The following THSD4 variants were observed in gnomAD, a reference collection of about 807,000 sequenced individuals.
THSD4 encodes thrombospondin type-1 domain-containing protein 4.
Under a neutral mutation model 119.0 loss-of-function variants are expected in THSD4, and 69 were observed. That is an observed-to-expected ratio of 0.58 (90% CI 0.48 to 0.71). The LOEUF is 0.71. THSD4 is among the 30% of genes least tolerant of loss of function. THSD4 has a pLI of 0.00. For synonymous variants in THSD4, 524 were observed against 540.4 expected, an observed-to-expected ratio of 0.97 and a Z score of 0.42; for missense variants, 1,393 against 1,391.1, an observed-to-expected ratio of 1.00 and a Z score of -0.02.
chr15:71,449,666 G>A (rs2140577884), intron 7 of THSD4, among the ~76,000 whole-genome samples: 1 of 152,292 alleles, frequency 6.6e-6, no homozygotes, highest in South Asian at 2.1e-4. Context: ...TCCCCATCCT[G>A]TGTAGACATT....
intron 7 of THSD4, among the ~76,000 whole-genome samples, chr15:71,507,895 C>A (rs1245352635): frequency 6.6e-6 from 1 of 152,220 alleles, no homozygotes; most frequent in East Asian, 1.9e-4. Context: ...AAATTAACCA[C>A]TTCTCCAGTT....
intron 6 of THSD4, among the ~76,000 whole-genome samples, chr15:71,347,378 AC>A (rs2045678852): frequency 6.6e-6 from 1 of 152,160 alleles, no homozygotes; most frequent in Admixed American, 6.5e-5. Flanking sequence ...TCTCCCTGCC[AC>A]TAGGGCTCTG....
intron 8 of THSD4, among the ~76,000 whole-genome samples, chr15:71,677,823 G>A (rs75125772): frequency 5.3e-5 from 8 of 152,088 alleles, no homozygotes; most frequent in African/African-American, 1.4e-4. Flanking sequence ...TAATTGTATC[G>A]TCTGTCTCAG....
chr15:71,489,226 A>G (rs2047872960), intron 7 of THSD4, among the ~76,000 whole-genome samples: 1 of 152,208 alleles, frequency 6.6e-6, no homozygotes, highest in African/African-American at 2.4e-5. Context: ...GAATTGGGTC[A>G]ATAAGTTAGT....
chr15:71,144,077 G>A (rs1204673661), intron 2 of THSD4, among the ~76,000 whole-genome samples: 11 of 152,260 alleles, frequency 7.2e-5, no homozygotes, highest in African/African-American at 1.4e-4. Flanking sequence ...CCTCCAGCAC[G>A]AGAGTCCTGC....
chr15:71,357,718 C>T lies in THSD4; in HGVS notation c.1016-53969C>T, dbSNP rs77164678. Among the ~76,000 whole-genome samples, 267 of 152,090 alleles carry T rather than the reference C, an allele frequency of 1.8e-3. 1 individual carries two copies. Among genetic ancestry groups the T allele is most frequent in the African/African-American group, 5.7e-3 (236 of 41,474 alleles). ...GCACATCAGGATCACATTCCAGATA[C>T]GGGGACAGAGATTAGGGAAGGATAA... On this transcript the variant is annotated intron_variant, in intron 6 of 17. Transcript: ENST00000261862.
upstream of THSD4, chr15:71,111,183 G>C: frequency 6.2e-7 from 1 of 1,612,708 alleles, no homozygotes; most frequent in Non-Finnish European, 8.5e-7. Flanking sequence ...GGGTGAGAAA[G>C]AGGATGAGAG....
At chr15:71,589,513 G>A (rs971875556) in intron 7 of THSD4, among the ~76,000 whole-genome samples, 2 of 137,780 alleles carry the variant, frequency 1.5e-5, no homozygotes, top group African/African-American at 5.1e-5. Flanking sequence ...GCATCACCAT[G>A]CCCAGCTAAC....
At chr15:71,110,961 AG>A (rs776830416), upstream of THSD4, 2 of 615,540 alleles carry the variant, frequency 3.2e-6, no homozygotes, top group Non-Finnish European at 5.7e-6. Context: ...GGAAGAAGAA[AG>A]GGAGGCTGTG....
At chr15:71,606,323 T>A (rs1181963863) in intron 7 of THSD4, among the ~76,000 whole-genome samples, 1 of 152,184 alleles carries the variant, frequency 6.6e-6, no homozygotes, top group African/African-American at 2.4e-5. Flanking sequence ...CCACATAAGT[T>A]GTATTATTTT....
intron 6 of THSD4, among the ~76,000 whole-genome samples, chr15:71,355,121 C>A (rs2045791675): frequency 6.6e-6 from 1 of 152,168 alleles, no homozygotes; most frequent in African/African-American, 2.4e-5. Context: ...TCTTTCGTAT[C>A]CATCATGTTG....
chr15:71,122,548 A>C (rs1222712278), intron 1 of THSD4, among the ~76,000 whole-genome samples: 1 of 152,228 alleles, frequency 6.6e-6, no homozygotes, highest in Non-Finnish European at 1.5e-5. Flanking sequence ...GCATATACGC[A>C]TAATGCCACT....
At chr15:71,417,528 A>G (rs1714773305) in intron 7 of THSD4, among the ~76,000 whole-genome samples, 1 of 106,900 alleles carries the variant, frequency 9.4e-6, no homozygotes, top group South Asian at 3.0e-4. Flanking sequence ...GACCCCTTTA[A>G]TGAAAATGAG....
chr15:71,307,745 G>A (rs919510601), intron 6 of THSD4, among the ~76,000 whole-genome samples: 3 of 152,188 alleles, frequency 2.0e-5, no homozygotes, highest in Non-Finnish European at 4.4e-5. Context: ...TCTCCAGCCT[G>A]GGCGACAGAG....
chr15:71,470,052 G>A (rs1358989376), intron 7 of THSD4, among the ~76,000 whole-genome samples: 1 of 152,200 alleles, frequency 6.6e-6, no homozygotes, highest in African/African-American at 2.4e-5. Context: ...TTATGCAAAG[G>A]TGTAAAGGCA....
intron 7 of THSD4, among the ~76,000 whole-genome samples, chr15:71,593,854 T>C (rs1355440350): frequency 6.6e-6 from 1 of 151,810 alleles, no homozygotes; most frequent in African/African-American, 2.4e-5. Flanking sequence ...CAGTGAGCCA[T>C]GATTGCGCCA....
At chr15:71,408,880 G>A (rs2046643959) in intron 6 of THSD4, among the ~76,000 whole-genome samples, 1 of 152,116 alleles carries the variant, frequency 6.6e-6, no homozygotes, top group South Asian at 2.1e-4. Context: ...GGGGCAGTGG[G>A]TAGGAAGTCT....
At chr15:71,120,090 C>G (rs1267544312) in intron 1 of THSD4, among the ~76,000 whole-genome samples, 1 of 152,210 alleles carries the variant, frequency 6.6e-6, no homozygotes. Context: ...TAATCTCAGG[C>G]CCCCTCAAAT....
chr15:71,676,275 C>G (rs1184364947), intron 8 of THSD4, among the ~76,000 whole-genome samples: 1 of 152,056 alleles, frequency 6.6e-6, no homozygotes, highest in East Asian at 1.9e-4. Flanking sequence ...GCTATCACCA[C>G]GATCCATTTT....
Sources: gnomAD v4.1 joint callset for allele counts (sites outside exome capture counted in the v4.1 genomes callset) on GRCh38, gnomAD v4.1.1 for gene constraint, MANE v1.5 for transcripts, NCBI Gene and HGNC (gene_info 2026-07-23, HGNC 2026-07-21) for gene names.